The following PAPPA2 variants were observed in gnomAD, a reference collection of about 807,000 sequenced individuals.
PAPPA2 encodes pappalysin-2.
Under a neutral mutation model 176.4 loss-of-function variants are expected in PAPPA2, and 86 were observed. The observed-to-expected ratio is 0.49, with a 90% confidence interval of 0.41 to 0.58. The LOEUF (loss-of-function observed/expected upper bound fraction) is 0.58. Ranked by LOEUF, PAPPA2 falls within the 20% of genes least tolerant of loss-of-function variation. The pLI is 0.00. For missense variants in PAPPA2, 2,073 were observed against 2,256.9 expected, an observed-to-expected ratio of 0.92 and a Z score of 1.65; for synonymous variants, 809 against 852.2, an observed-to-expected ratio of 0.95 and a Z score of 0.88.
intron 1 of PAPPA2, among the ~76,000 whole-genome samples, chr1:176,524,910 C>G (rs986307248): frequency 1.3e-5 from 2 of 152,108 alleles, no homozygotes; most frequent in Non-Finnish European, 2.9e-5. Context: ...GGCGTGATGG[C>G]GGGCGCCTGT....
rs1664146572 is a variant in PAPPA2, at chr1:176,769,873, C to A, written c.4501+89C>A. ...TTTGGGACTCTTTTCGTTACCCCAA[C>A]ACCTTTCCTATTTGCTCCACTGTGT... On this transcript the variant is annotated intron_variant, in intron 16 of 22. Coordinates refer to ENST00000367662, the MANE Select transcript of PAPPA2 (RefSeq NM_020318.3). 23 of 1,344,956 alleles carry A rather than the reference C, an allele frequency of 1.7e-5. No homozygotes were observed. In the South Asian group the frequency reaches 3.2e-4, roughly 19 times the overall value. 83.3% of individuals were successfully genotyped at this position (1,344,956 alleles called of 1,614,324 possible). A position where few individuals can be genotyped will look rare whatever the true frequency, so the allele number is the denominator to read the frequency against.
chr1:176,663,855 G>C (rs1293580125), intron 3 of PAPPA2, among the ~76,000 whole-genome samples: 1 of 151,970 alleles, frequency 6.6e-6, no homozygotes, highest in African/African-American at 2.4e-5. Context: ...CTTTTCTTTT[G>C]TGTGCTTTAT....
At chr1:176,539,895 A>G (rs1410769807) in intron 1 of PAPPA2, among the ~76,000 whole-genome samples, 1 of 151,996 alleles carries the variant, frequency 6.6e-6, no homozygotes, top group Non-Finnish European at 1.5e-5. Flanking sequence ...CCTGATGCTG[A>G]AAGGAGAAGT....
chr1:176,771,947 C>G (rs111646063), intron 17 of PAPPA2, among the ~76,000 whole-genome samples: 23 of 152,086 alleles, frequency 1.5e-4, no homozygotes, highest in African/African-American at 5.6e-4. Context: ...GGGTCTTGGT[C>G]TCCTTCCTTT....
At chr1:176,683,092 A>C (rs1396972976) in intron 4 of PAPPA2, among the ~76,000 whole-genome samples, 2 of 151,612 alleles carry the variant, frequency 1.3e-5, no homozygotes, top group Non-Finnish European at 2.9e-5. Flanking sequence ...TCTCTTTACC[A>C]TGAGCCACTT....
intron 14 of PAPPA2, among the ~76,000 whole-genome samples, chr1:176,756,181 C>T (rs985222084): frequency 6.6e-6 from 1 of 152,186 alleles, no homozygotes; most frequent in African/African-American, 2.4e-5. Context: ...TCTCGAACTC[C>T]TGACCTCAAG....
At chr1:176,653,106 G>A (rs1027562946) in intron 3 of PAPPA2, among the ~76,000 whole-genome samples, 10 of 151,692 alleles carry the variant, frequency 6.6e-5, no homozygotes, top group Non-Finnish European at 3.0e-5. Context: ...TTGGGAAAAG[G>A]TGAGCATGGA....
At chr1:176,559,822 G>A (rs982732020) in intron 2 of PAPPA2, among the ~76,000 whole-genome samples, 1 of 152,190 alleles carries the variant, frequency 6.6e-6, no homozygotes, top group African/African-American at 2.4e-5. Context: ...AGCTCTCAAA[G>A]CGTAGCTTCT....
At chr1:176,764,789 G>T (rs190984847) in intron 14 of PAPPA2, among the ~76,000 whole-genome samples, 443 of 152,182 alleles carry the variant, frequency 2.9e-3, no homozygotes, top group Non-Finnish European at 4.7e-3. Context: ...GTAGAGATGG[G>T]GTTTCACCGT....
chr1:176,516,467 C>T (rs1479094345), intron 1 of PAPPA2, among the ~76,000 whole-genome samples: 2 of 152,020 alleles, frequency 1.3e-5, no homozygotes, highest in African/African-American at 4.8e-5. Flanking sequence ...TGTGCCCCTC[C>T]AAAATCCATG....
chr1:176,690,282 A>G lies in PAPPA2; in HGVS notation c.2283A>G (p.Thr761=). The change falls in exon 5 of 23, where the codon ACA becomes ACG. Residue 761 remains threonine (T), a synonymous_variant. Coordinates refer to ENST00000367662, the MANE Select transcript of PAPPA2 (RefSeq NM_020318.3). ...CCTGCAATGACCCCTGCAAGGAGAC[A>G]GTGCCATCCATGGAAACGGGAGACC... is the stretch of plus-strand genomic sequence containing the variant. The part of the protein sequence containing the change: ...RESCNDPCKE[T]VPSMETGDLC... 6.2e-7 allele frequency: 1 copy of G among 1,614,158 alleles called. No individual in the cohort carries two copies.
chr1:176,577,680 T>G (rs1652729754), intron 2 of PAPPA2, among the ~76,000 whole-genome samples: 1 of 152,014 alleles, frequency 6.6e-6, no homozygotes, highest in South Asian at 2.1e-4. Context: ...TTCTCCTCCT[T>G]GGTTTTTTTA....
chr1:176,563,259 T>C (rs773731295), intron 2 of PAPPA2, among the ~76,000 whole-genome samples: 6 of 152,210 alleles, frequency 3.9e-5, no homozygotes, highest in African/African-American at 4.8e-5. Context: ...GATTCTGTTT[T>C]TGCTGCCTAC....
At chr1:176,541,415 T>C (rs1650357029) in intron 1 of PAPPA2, among the ~76,000 whole-genome samples, 1 of 152,210 alleles carries the variant, frequency 6.6e-6, no homozygotes, top group African/African-American at 2.4e-5. Flanking sequence ...CATAGGGACA[T>C]TTTGGAAAGT....
At chr1:176,800,229 C>T (rs1665624271) in intron 21 of PAPPA2, 97 bp downstream of exon 21, 1 of 1,135,530 alleles carries the variant, frequency 8.8e-7, no homozygotes, top group African/African-American at 1.6e-5. Context: ...TGGTCCCTCT[C>T]CTATTCCTCT....
chr1:176,480,290 C>T lies in PAPPA2; in HGVS notation c.-917+16872C>T, dbSNP rs76853001. 8.9e-3 allele frequency among the ~76,000 whole-genome samples: 1,348 copies of T among 152,302 alleles called. 25 individuals are homozygous for T. Among genetic ancestry groups the T allele is most frequent in the African/African-American group, 0.031 (1,277 of 41,566 alleles). ...GCTCCTGGGGCACCCGAAAGGGCAG[C>T]GCTGGATAAGTCTCAGTAACACAGA... On this transcript the variant is annotated intron_variant, in intron 1 of 22. Transcript: ENST00000367662.
At chr1:176,472,165 A>C (rs1651907290) in intron 1 of PAPPA2, among the ~76,000 whole-genome samples, 1 of 152,202 alleles carries the variant, frequency 6.6e-6, no homozygotes, top group Non-Finnish European at 1.5e-5. Flanking sequence ...TATCAGTGTT[A>C]ACAATTCATA....
chr1:176,608,173 GA>G (rs1654717833), intron 3 of PAPPA2, among the ~76,000 whole-genome samples: 1 of 152,078 alleles, frequency 6.6e-6, no homozygotes, highest in Non-Finnish European at 1.5e-5. Flanking sequence ...TATTTCAAAA[GA>G]AAAAATTTAA....
rs546048373 is a variant in PAPPA2 at position 176,613,117 on chromosome 1, G to T, written c.1991+17522G>T. ...TTGTTGGCAGGGTAGAAACTTGAGG[G>T]AAGTGGAGATTGTTCACAGTAGCCT... On this transcript the variant is annotated intron_variant, in intron 3 of 22. Coordinates refer to ENST00000367662, the MANE Select transcript of PAPPA2 (RefSeq NM_020318.3). 2.6e-4 allele frequency among the ~76,000 whole-genome samples: 39 copies of T among 152,280 alleles called. 1 individual carries two copies. The highest frequency in any genetic ancestry group is 1.2e-3 in the South Asian group (6 of 4,826).
Sources: gnomAD v4.1 joint callset for allele counts (sites outside exome capture counted in the v4.1 genomes callset) on GRCh38, gnomAD v4.1.1 for gene constraint, MANE v1.5 for transcripts, NCBI Gene and HGNC (gene_info 2026-07-23, HGNC 2026-07-21) for gene names.